The following TAF2 variants were observed in gnomAD, a reference collection of about 807,000 sequenced individuals.
TAF2 encodes the protein TATA-box binding protein associated factor 2.
A neutral mutation model predicts 138.5 loss-of-function variants in TAF2; 61 were observed. The observed-to-expected ratio is 0.44, with a 90% CI of 0.36 to 0.54. TAF2 has a LOEUF of 0.54. Among genes scored for constraint, TAF2 ranks in the 20% least tolerant of loss-of-function variants. The pLI is 0.00. For synonymous variants in TAF2, 475 were observed against 469.9 expected, an observed-to-expected ratio of 1.01 and a Z score of -0.14; for missense variants, 1,090 against 1,427.9, an observed-to-expected ratio of 0.76 and a Z score of 3.81.
chr8:119,740,992 G>A (rs769141587), intron 25 of TAF2, among the ~76,000 whole-genome samples: 2 of 152,042 alleles, frequency 1.3e-5, no homozygotes, highest in Admixed American at 6.6e-5. Flanking sequence ...GACACTAATA[G>A]CAGCCAAAAC....
chr8:119,764,839 T>C (rs1233113864), intron 18 of TAF2, among the ~76,000 whole-genome samples: 2 of 152,090 alleles, frequency 1.3e-5, no homozygotes, highest in Non-Finnish European at 2.9e-5. Context: ...TTCTAATTTC[T>C]TCAAGTAAAG....
chr8:119,746,330 G>C (rs1465348080), intron 23 of TAF2, among the ~76,000 whole-genome samples: 1 of 124,432 alleles, frequency 8.0e-6, no homozygotes, highest in African/African-American at 3.0e-5. Context: ...CTGAGAGTGA[G>C]TCATTGCACT....
At chr8:119,763,128 T>C (rs934218714) in intron 18 of TAF2, among the ~76,000 whole-genome samples, 1 of 152,172 alleles carries the variant, frequency 6.6e-6, no homozygotes, top group Admixed American at 6.5e-5. Context: ...GAAGACTATC[T>C]GCCCGCTATT....
At position 119,832,560 on chromosome 8, in the gene TAF2, G is replaced by A; in HGVS notation, c.5C>T (p.Pro2Leu). 1 of 1,613,004 alleles carries A rather than the reference G, an allele frequency of 6.2e-7. No homozygotes were observed. The highest frequency in any genetic ancestry group is 8.5e-7 in the Non-Finnish European group (1 of 1,179,996). Residue 2 changes from proline to leucine, a missense_variant, in exon 1 of 26, where the codon CCG (proline) becomes CTG (leucine). Coordinates refer to ENST00000378164, the MANE Select transcript of TAF2 (RefSeq NM_003184.4). M[P>L]LTGVEPARMN... is the part of the protein sequence containing the mutation. ...TCTGGCGGGCTCTACACCAGTCAGC[G>A]GCATGAAGCGGTCCCGCGGAGCTTG...
At chr8:119,783,042 A>G (rs1216538019) in intron 16 of TAF2, among the ~76,000 whole-genome samples, 1 of 152,112 alleles carries the variant, frequency 6.6e-6, no homozygotes, top group East Asian at 1.9e-4. Flanking sequence ...GATTTCATGT[A>G]CTACAATGTA....
Position 119,783,373 on chromosome 8 carries a change from A to C in TAF2, c.2112+8T>G. On this transcript the variant is annotated splice_region_variant and intron_variant, in intron 16 of 25. Transcript: ENST00000378164. ...TAGTCATTTCCTTTATGCTGTATAT[A>C]ATCTCACCTTTGCAAGACAGAAGCA... is the stretch of plus-strand genomic sequence containing the variant. 1 of 1,613,956 alleles carries C rather than the reference A, an allele frequency of 6.2e-7. No individual in the cohort carries two copies. The highest frequency in any genetic ancestry group is 8.5e-7 in the Non-Finnish European group (1 of 1,179,938).
At chr8:119,756,998 G>A (rs1458506321) in intron 21 of TAF2, among the ~76,000 whole-genome samples, 1 of 152,130 alleles carries the variant, frequency 6.6e-6, no homozygotes, top group African/African-American at 2.4e-5. Context: ...AAAGAAATTG[G>A]GTTGTAATTC....
In TAF2 at chr8:119,756,480, A is replaced by G. The variant is rs147853828; in HGVS notation, c.2769-365T>C. 2.7e-4 allele frequency among the ~76,000 whole-genome samples: 41 copies of G among 152,194 alleles called. No individual in the cohort carries two copies. In the East Asian group the frequency reaches 7.9e-3, roughly 29 times the overall value. On this transcript the variant is annotated intron_variant, in intron 21 of 25. Transcript: ENST00000378164. Reference sequence around the variant, plus strand: ...TCCCACTTTCTAAAATGAACATTCCACTCTGCTTAGATATATCTACAATGA... The same window carrying G: ...TCCCACTTTCTAAAATGAACATTCCGCTCTGCTTAGATATATCTACAATGA...
At chr8:119,770,557 T>C (rs1821759141) in intron 18 of TAF2, among the ~76,000 whole-genome samples, 1 of 152,092 alleles carries the variant, frequency 6.6e-6, no homozygotes, top group Admixed American at 6.6e-5. Flanking sequence ...GGGGAATTCA[T>C]CACCACTAGA....
intron 2 of TAF2, among the ~76,000 whole-genome samples, chr8:119,820,639 A>G (rs747109487): frequency 2.6e-5 from 4 of 152,216 alleles, no homozygotes; most frequent in South Asian, 4.1e-4. Context: ...AATTCCCACT[A>G]TGCCATAATG....
chr8:119,746,725 G>C lies in TAF2; in HGVS notation c.3088C>G (p.Leu1030Val). ...CTTACAGGGTTCTGAAATCCAACTA[G>C]CTGTGGGTGACTGCTTGGATTATTT... ...AANNPSSHPQLVGFQNPFSSS... is the reference protein window; with the variant it reads ...AANNPSSHPQVVGFQNPFSSS... The change falls in exon 23 of 26, where the codon CTA becomes GTA. Residue 1030 changes from leucine (L) to valine (V), a missense_variant. Physicochemically the swap from Leu to Val is conservative, Grantham distance 32. Coordinates refer to ENST00000378164, the MANE Select transcript of TAF2 (RefSeq NM_003184.4). The C allele has an allele frequency of 6.2e-7, 1 of 1,614,090 alleles. No individual in the cohort carries two copies. Among genetic ancestry groups the C allele is most frequent in the Non-Finnish European group, 8.5e-7 (1 of 1,180,002 alleles).
intron 17 of TAF2, among the ~76,000 whole-genome samples, chr8:119,779,997 G>A (rs1303835367): frequency 6.6e-6 from 1 of 151,998 alleles, no homozygotes; most frequent in Non-Finnish European, 1.5e-5. Context: ...ACAAACCCAA[G>A]AAGTCCTTTT....
intron 3 of TAF2, among the ~76,000 whole-genome samples, chr8:119,818,733 CACACACACACACACA>C (rs1825640524): frequency 7.2e-5 from 6 of 83,590 alleles, no homozygotes; most frequent in African/African-American, 1.8e-4. Flanking sequence ...AAATGAAGTC[CACACACACACACACA>C]CACACACACA....
rs374604448 is a variant in TAF2, at chr8:119,795,643, G to C, written c.1092-12C>G. 1.7e-5 allele frequency: 28 copies of C among 1,610,724 alleles called. 1 individual carries two copies. Among genetic ancestry groups the C allele is most frequent in the African/African-American group, 1.1e-4 (8 of 74,944 alleles). On this transcript the variant is annotated splice_polypyrimidine_tract_variant and intron_variant, in intron 8 of 25. Transcript: ENST00000378164. ...CCCATTCATCAGACCTAAGCAAAAAGTCAAAGCATAAATTACTTTTAATCA... is the reference window on the plus strand; with the variant it reads ...CCCATTCATCAGACCTAAGCAAAAACTCAAAGCATAAATTACTTTTAATCA...
chr8:119,812,756 T>C (rs1427862337), intron 3 of TAF2, among the ~76,000 whole-genome samples: 1 of 146,352 alleles, frequency 6.8e-6, no homozygotes, highest in East Asian at 2.0e-4. Context: ...TGTGTGTATA[T>C]ATGTGTGTAT....
At position 119,746,819 on chromosome 8, in the gene TAF2, T is replaced by C; in HGVS notation, c.2994A>G (p.Leu998=). ...GATTCAAGACAGCTTTTTTCTCCTT[T>C]AGATTAAGAACCAACCCAAGCTCTG... ...PLPELGLVLN[L]KEKKAVLNPT... Residue 998 remains leucine, a synonymous_variant, in exon 23 of 26, where the codon CTA becomes CTG. Coordinates refer to ENST00000378164, the MANE Select transcript of TAF2 (RefSeq NM_003184.4). 6.2e-6 allele frequency: 10 copies of C among 1,614,136 alleles called. No homozygotes were observed. Among genetic ancestry groups the C allele is most frequent in the Non-Finnish European group, 8.5e-6 (10 of 1,180,016 alleles).
intron 4 of TAF2, among the ~76,000 whole-genome samples, chr8:119,804,413 C>G (rs1275784247): frequency 6.6e-6 from 1 of 152,164 alleles, no homozygotes; most frequent in Non-Finnish European, 1.5e-5. Context: ...ACCCAAATCT[C>G]ATCTTGCAGC....
In TAF2 at chr8:119,742,637, T is replaced by C. The variant is rs1819672821; in HGVS notation, c.3234A>G (p.Pro1078=). The C allele has an allele frequency of 5.0e-6, 8 of 1,613,832 alleles. No individual in the cohort carries two copies. Among genetic ancestry groups the C allele is most frequent in the Non-Finnish European group, 6.8e-6 (8 of 1,179,926 alleles). Residue 1078 remains proline, a synonymous_variant, in exon 25 of 26, where the codon CCA becomes CCG. Coordinates refer to ENST00000378164, the MANE Select transcript of TAF2 (RefSeq NM_003184.4). ...PSTPGLSKYR[P]ASSRSALIPQ... ...GTATTAAAGCAGATCGGGAGCTAGC[T>C]GGCCGATATTTCGAGAGCCCTAAAA...
chr8:119,777,896 G>A (rs1163948626), intron 18 of TAF2, 123 bp downstream of exon 18: 6 of 597,488 alleles, frequency 1.0e-5, no homozygotes, highest in Non-Finnish European at 1.8e-5. Context: ...CATCAAGTAC[G>A]ATGATTTTTA....
Sources: allele counts gnomAD v4.1 joint callset (sites outside exome capture counted in the v4.1 genomes callset), GRCh38; gene constraint gnomAD v4.1.1; transcripts MANE v1.5; gene names NCBI Gene and HGNC (gene_info 2026-07-23, HGNC 2026-07-21).